The following EYS variants were observed in gnomAD, a reference collection of about 807,000 sequenced individuals.
EYS encodes EGF-like photoreceptor maintenance factor.
A neutral mutation model predicts 282.1 loss-of-function variants in EYS; 250 were observed. The observed-to-expected ratio is 0.89, with a 90% CI of 0.80 to 0.98. EYS has a LOEUF of 0.98. Ranked by LOEUF, EYS falls within the 50% of genes least tolerant of loss-of-function variation. EYS has a pLI of 0.00. For missense variants in EYS, 4,016 were observed against 3,709.0 expected, an observed-to-expected ratio of 1.08 and a Z score of -2.15; for synonymous variants, 1,355 against 1,282.9, an observed-to-expected ratio of 1.06 and a Z score of -1.20.
chr6:65,447,172 T>TTGC (rs1491492195), intron 5 of EYS, among the ~76,000 whole-genome samples: 2 of 151,154 alleles, frequency 1.3e-5, no homozygotes, highest in Non-Finnish European at 3.0e-5. Context: ...GTAATTAAAC[T>TTGC]TTGTTTTATT....
intron 12 of EYS, among the ~76,000 whole-genome samples, chr6:65,282,910 T>A (rs1166802797): frequency 2.6e-5 from 4 of 151,946 alleles, no homozygotes; most frequent in Non-Finnish European, 4.4e-5. Context: ...TTGTTTCATT[T>A]CTCAAAAAGT....
At chr6:64,002,501 C>T (rs773282210) in intron 33 of EYS, among the ~76,000 whole-genome samples, 1 of 152,184 alleles carries the variant, frequency 6.6e-6, no homozygotes, top group Non-Finnish European at 1.5e-5. Context: ...ACTTGGGTTT[C>T]GGGAGTCACA....
At chr6:65,039,953 G>A (rs556043051) in intron 13 of EYS, among the ~76,000 whole-genome samples, 17 of 151,710 alleles carry the variant, frequency 1.1e-4, no homozygotes, top group Non-Finnish European at 7.4e-5. Context: ...ATGTTTGCAC[G>A]ATAGAATCTT....
chr6:64,643,659 C>G (rs1768250375), intron 22 of EYS, among the ~76,000 whole-genome samples: 1 of 152,160 alleles, frequency 6.6e-6, no homozygotes, highest in Non-Finnish European at 1.5e-5. Context: ...GGGAGGGACC[C>G]AGGGGCTGGT....
intron 28 of EYS, among the ~76,000 whole-genome samples, chr6:64,431,891 C>T (rs1774585788): frequency 6.6e-6 from 1 of 152,122 alleles, no homozygotes; most frequent in Admixed American, 6.6e-5. Flanking sequence ...TTCTGCATCA[C>T]TTGAGAAAAT....
At chr6:64,111,138 G>A (rs555837936) in intron 31 of EYS, among the ~76,000 whole-genome samples, 61 of 152,022 alleles carry the variant, frequency 4.0e-4, no homozygotes, top group African/African-American at 1.5e-3. Flanking sequence ...GTTACAGGGG[G>A]AATATGATCT....
chr6:64,013,891 T>C (rs1009355044), intron 33 of EYS, among the ~76,000 whole-genome samples: 1 of 152,172 alleles, frequency 6.6e-6, no homozygotes, highest in Non-Finnish European at 1.5e-5. Flanking sequence ...ACTCTGATGG[T>C]GAATGTAAGT....
Position 65,261,572 on chromosome 6 carries a change from T to A in EYS, c.2023+34291A>T, listed in dbSNP as rs545272014. 2.6e-5 allele frequency among the ~76,000 whole-genome samples: 4 copies of A among 152,146 alleles called. No individual in the cohort carries two copies. The South Asian group carries it at 8.3e-4, about 32-fold the overall frequency. ...ACACACTGATTTATTTGGTATTCAC[T>A]TAATAATATAAAACAGATAAAGCAA... is the stretch of plus-strand genomic sequence containing the variant. On this transcript the variant is annotated intron_variant, in intron 12 of 42. Transcript: ENST00000503581.
At chr6:64,491,043 T>G (rs1776724709) in intron 26 of EYS, among the ~76,000 whole-genome samples, 1 of 150,846 alleles carries the variant, frequency 6.6e-6, no homozygotes, top group South Asian at 2.1e-4. Flanking sequence ...AACTAATTAT[T>G]TATTAGGTTG....
At chr6:65,136,934 G>A (rs1282660306) in intron 12 of EYS, among the ~76,000 whole-genome samples, 3 of 151,952 alleles carry the variant, frequency 2.0e-5, no homozygotes, top group East Asian at 1.9e-4. Flanking sequence ...TGCCCACCTC[G>A]GCCTTCCAAA....
intron 22 of EYS, among the ~76,000 whole-genome samples, chr6:64,740,870 C>A (rs779590118): frequency 6.6e-6 from 1 of 152,068 alleles, no homozygotes; most frequent in Non-Finnish European, 1.5e-5. Flanking sequence ...CCAGCCACCA[C>A]GCCTGGCTAA....
chr6:64,071,959 A>T (rs534993374), intron 32 of EYS, among the ~76,000 whole-genome samples: 1 of 151,820 alleles, frequency 6.6e-6, no homozygotes, highest in East Asian at 2.0e-4. Context: ...GGAAGAATTC[A>T]AAACATGGTT....
At chr6:64,832,576 A>G (rs1042319053) in intron 19 of EYS, among the ~76,000 whole-genome samples, 1 of 151,916 alleles carries the variant, frequency 6.6e-6, no homozygotes, top group African/African-American at 2.4e-5. Flanking sequence ...GTATTAGGAT[A>G]GGTTGCATGT....
intron 24 of EYS, among the ~76,000 whole-genome samples, chr6:64,606,106 C>T (rs898664442): frequency 1.4e-4 from 22 of 151,922 alleles, no homozygotes; most frequent in East Asian, 9.7e-4. Flanking sequence ...CTCTTCTCTA[C>T]GAATCTGAGT....
intron 2 of EYS, among the ~76,000 whole-genome samples, chr6:65,612,036 T>A (rs1049217955): frequency 6.6e-6 from 1 of 151,866 alleles, no homozygotes; most frequent in Non-Finnish European, 1.5e-5. Context: ...ATACTTATTA[T>A]CTTAACAATT....
intron 22 of EYS, among the ~76,000 whole-genome samples, chr6:64,657,018 C>T (rs895949060): frequency 6.6e-6 from 1 of 152,124 alleles, no homozygotes; most frequent in Admixed American, 6.5e-5. Flanking sequence ...TAAGGACTTG[C>T]TTTATGAATC....
chr6:63,730,218 A>G (rs992817468), intron 41 of EYS, among the ~76,000 whole-genome samples: 15 of 152,180 alleles, frequency 9.9e-5, no homozygotes, highest in African/African-American at 3.6e-4. Flanking sequence ...TTCTATTACC[A>G]CTGCCACCAT....
At chr6:64,352,420 T>C (rs1413467781) in intron 29 of EYS, among the ~76,000 whole-genome samples, 1 of 151,590 alleles carries the variant, frequency 6.6e-6, no homozygotes, top group Non-Finnish European at 1.5e-5. Flanking sequence ...AGTATCTGCA[T>C]CATTCATCAA....
chr6:64,896,996 AG>A (rs1767496699), intron 18 of EYS, among the ~76,000 whole-genome samples: 1 of 152,160 alleles, frequency 6.6e-6, no homozygotes, highest in Admixed American at 6.5e-5. Context: ...CCTGGGACAG[AG>A]CACCTGAGGG....
Sources: allele counts gnomAD v4.1 joint callset (sites outside exome capture counted in the v4.1 genomes callset), GRCh38; gene constraint gnomAD v4.1.1; transcripts MANE v1.5; gene names NCBI Gene and HGNC (gene_info 2026-07-23, HGNC 2026-07-21).